Variants in IRAK2 observed in about 807,000 individuals in gnomAD.
IRAK2 encodes interleukin 1 receptor associated kinase 2.
In IRAK2, 57 loss-of-function variants were observed where a neutral mutation model predicts 72.0. The observed-to-expected ratio is 0.79, with a 90% CI of 0.64 to 0.99. The LOEUF (loss-of-function observed/expected upper bound fraction) is 0.99. Ranked by LOEUF, IRAK2 falls within the 50% of genes least tolerant of loss-of-function variation. IRAK2 has a pLI of 0.00. For missense variants in IRAK2, 790 were observed against 794.4 expected (o/e 0.99, Z 0.07); for synonymous variants, 293 against 312.7 (o/e 0.94, Z 0.67).
chr3:10,241,251 A>G (rs1185970279), intron 12 of IRAK2, among the ~76,000 whole-genome samples: 1 of 149,934 alleles, frequency 6.7e-6, no homozygotes, highest in African/African-American at 2.5e-5. Flanking sequence ...TCTCTACGAA[A>G]GATGCAAAAA....
chr3:10,230,543 G>T (rs1438542498), intron 10 of IRAK2, among the ~76,000 whole-genome samples: 1 of 151,964 alleles, frequency 6.6e-6, no homozygotes, highest in African/African-American at 2.4e-5. Flanking sequence ...ATAGTAACTA[G>T]AACATAATAA....
chr3:10,219,342 G>A (rs1374022201), intron 7 of IRAK2, among the ~76,000 whole-genome samples: 1 of 149,092 alleles, frequency 6.7e-6, no homozygotes, highest in African/African-American at 2.5e-5. Flanking sequence ...TTTTTGAGAT[G>A]GAGTCTCGCT....
intron 12 of IRAK2, among the ~76,000 whole-genome samples, chr3:10,241,832 G>A (rs952836543): frequency 5.5e-5 from 8 of 144,214 alleles, no homozygotes; most frequent in African/African-American, 2.0e-4. Context: ...AAAAAGCCAG[G>A]TGTGGTTGTG....
intron 9 of IRAK2, 38 bp from the exon 10 acceptor site, chr3:10,226,333 C>T (rs779905): frequency 0.19 from 291,794 of 1,559,626 alleles, 36,996 homozygotes; most frequent in East Asian, 0.65. Flanking sequence ...TGTGCACGAG[C>T]GTCTGAACCA....
chr3:10,190,315 C>T (rs1413643551), intron 2 of IRAK2, among the ~76,000 whole-genome samples: 1 of 133,798 alleles, frequency 7.5e-6, no homozygotes, highest in Admixed American at 7.9e-5. Context: ...GAGTCTCACT[C>T]TGTTGTCCAG....
rs978025301 is a variant in IRAK2 at position 10,164,932 on chromosome 3, C to T, written c.-23C>T. The T allele has an allele frequency of 2.5e-6, 4 of 1,578,844 alleles. No homozygotes were observed. The African/African-American group carries it at 4.1e-5, about 16-fold the overall frequency. Reference sequence around the variant, plus strand: ...AGTGTCCGACCCAGTCGTCCCGCGCCGGAGCCGGCCCCGTAGCGTGCCATG... The same window carrying T: ...AGTGTCCGACCCAGTCGTCCCGCGCTGGAGCCGGCCCCGTAGCGTGCCATG... On this transcript the variant is annotated 5_prime_UTR_variant, in exon 1 of 13. Coordinates refer to ENST00000256458, the MANE Select transcript of IRAK2 (RefSeq NM_001570.4).
chr3:10,191,431 T>G (rs1308849829), intron 2 of IRAK2, among the ~76,000 whole-genome samples: 1 of 152,192 alleles, frequency 6.6e-6, no homozygotes, highest in Non-Finnish European at 1.5e-5. Flanking sequence ...TCCAGGGCGC[T>G]TACAGTAAGG....
chr3:10,227,654 G>A (rs937182043), intron 10 of IRAK2, among the ~76,000 whole-genome samples: 1 of 150,650 alleles, frequency 6.6e-6, no homozygotes, highest in African/African-American at 2.4e-5. Context: ...TCCCTGAGCC[G>A]ACATCATGAG....
At position 10,240,874 on chromosome 3, in the gene IRAK2, A is replaced by G. The variant is rs9827671; in HGVS notation, c.1766-1242A>G. 5.2e-3 allele frequency among the ~76,000 whole-genome samples: 796 copies of G among 151,668 alleles called. 10 individuals carry two copies. Among genetic ancestry groups the G allele is most frequent in the African/African-American group, 0.018 (737 of 41,354 alleles). ...GCACCCGACCAGGAAGGCCCTTTCA[A>G]TGCAGTGTCCCTGTCCCTTAGTAAA... is the stretch of plus-strand genomic sequence containing the variant. On this transcript the variant is annotated intron_variant, in intron 12 of 12. Coordinates refer to ENST00000256458, the MANE Select transcript of IRAK2 (RefSeq NM_001570.4).
chr3:10,216,896 G>A (rs374344706), intron 6 of IRAK2, 38 bp from the exon 7 acceptor site: 294 of 1,478,876 alleles, frequency 2.0e-4, no homozygotes, highest in Middle Eastern at 1.7e-4. Context: ...CATTCTTTCC[G>A]TCTGACTCCT....
intron 2 of IRAK2, among the ~76,000 whole-genome samples, chr3:10,197,776 T>C (rs181960145): frequency 1.1e-3 from 160 of 139,688 alleles, no homozygotes; most frequent in Non-Finnish European, 1.9e-3. Context: ...GGCGTGAACC[T>C]GGGAGGCGGA....
At chr3:10,184,656 G>A (rs17610943) in intron 2 of IRAK2, among the ~76,000 whole-genome samples, 3,565 of 150,630 alleles carry the variant, frequency 0.024, 82 homozygotes, top group Non-Finnish European at 0.028. Context: ...GTCTATAGCA[G>A]TCAACAAATC....
At chr3:10,219,588 G>A (rs1253091239) in intron 7 of IRAK2, 92 bp from the exon 8 acceptor site, 15 of 860,104 alleles carry the variant, frequency 1.7e-5, no homozygotes, top group Non-Finnish European at 2.7e-5. Context: ...AGTGTGCTGG[G>A]ATTACAGGTG....
At chr3:10,176,609 C>T (rs574330417) in intron 1 of IRAK2, among the ~76,000 whole-genome samples, 2 of 151,748 alleles carry the variant, frequency 1.3e-5, no homozygotes, top group East Asian at 1.9e-4. Flanking sequence ...TCCCGAGTAG[C>T]TGGGACTACA....
intron 8 of IRAK2, among the ~76,000 whole-genome samples, chr3:10,221,605 A>G (rs1228836193): frequency 1.3e-5 from 2 of 150,194 alleles, no homozygotes; most frequent in African/African-American, 2.5e-5. Context: ...AGGCTGGAGT[A>G]CAGTGGCGCA....
chr3:10,199,782 GACT>G (rs1343257030), intron 2 of IRAK2, among the ~76,000 whole-genome samples: 11 of 152,182 alleles, frequency 7.2e-5, no homozygotes, highest in African/African-American at 2.6e-4. Context: ...GGAGGAAGGT[GACT>G]TGTTGGAGGT....
rs1697555466 is a variant in IRAK2, at chr3:10,213,477, T to C, written c.724-7T>C. On this transcript the variant is annotated splice_polypyrimidine_tract_variant and splice_region_variant and intron_variant, in intron 5 of 12. Coordinates refer to ENST00000256458, the MANE Select transcript of IRAK2 (RefSeq NM_001570.4). Reference sequence around the variant, plus strand: ...GGATCTTCATGTTCTGATGTCTTTCTCTACAGACAGCCTGTTCAAGTCCAG... The same window carrying C: ...GGATCTTCATGTTCTGATGTCTTTCCCTACAGACAGCCTGTTCAAGTCCAG... 6.2e-6 allele frequency: 10 copies of C among 1,613,864 alleles called. No homozygotes were observed. The East Asian group carries it at 2.2e-4, about 36-fold the overall frequency.
intron 12 of IRAK2, 89 bp downstream of exon 12, chr3:10,239,128 C>A: frequency 8.2e-7 from 1 of 1,214,312 alleles, no homozygotes; most frequent in Non-Finnish European, 1.1e-6. Context: ...CCTTCATTCA[C>A]TCCTTCATTT....
intron 2 of IRAK2, among the ~76,000 whole-genome samples, chr3:10,191,564 G>A (rs755921354): frequency 7.2e-5 from 11 of 152,180 alleles, no homozygotes; most frequent in African/African-American, 2.4e-4. Flanking sequence ...CTTCACTTGC[G>A]GGGATATGCC....
Sources: allele counts gnomAD v4.1 joint callset (sites outside exome capture counted in the v4.1 genomes callset), GRCh38; gene constraint gnomAD v4.1.1; transcripts MANE v1.5; gene names NCBI Gene and HGNC (gene_info 2026-07-23, HGNC 2026-07-21).